CACNA1C: variants seen among roughly 807,000 people sequenced by gnomAD.
CACNA1C encodes voltage-dependent L-type calcium channel subunit alpha-1C.
A neutral mutation model predicts 229.0 loss-of-function variants in CACNA1C; 30 were observed. The ratio of observed to expected loss-of-function variants is 0.13; its 90% CI spans 0.10 to 0.18. The LOEUF (loss-of-function observed/expected upper bound fraction) is 0.18. Ranked by LOEUF, CACNA1C falls within the 10% of genes least tolerant of loss-of-function variation. The pLI is 1.00. For missense variants in CACNA1C, 1,658 were observed against 2,845.0 expected (o/e 0.58, Z 9.49); for synonymous variants, 1,114 against 1,132.5 (o/e 0.98, Z 0.33).
At chr12:2,114,001 C>T (rs1489332272) in intron 1 of CACNA1C, among the ~76,000 whole-genome samples, 1 of 152,236 alleles carries the variant, frequency 6.6e-6, no homozygotes, top group Admixed American at 6.5e-5. Flanking sequence ...CAACCCCTGC[C>T]ACTCACAGCT....
chr12:2,330,025 T>G (rs1246185582), intron 3 of CACNA1C, among the ~76,000 whole-genome samples: 1 of 152,216 alleles, frequency 6.6e-6, no homozygotes, highest in African/African-American at 2.4e-5. Context: ...ACCCACTCAG[T>G]GTGGTGAAGA....
Position 2,057,754 on chromosome 12 carries a change from C to G in CACNA1C, c.49+4143C>G, listed in dbSNP as rs891168454. Among the ~76,000 whole-genome samples the G allele has an allele frequency of 3.3e-5, 5 of 152,180 alleles. No individual in the cohort carries two copies. In the South Asian group the frequency reaches 1.0e-3, roughly 31 times the overall value. Reference sequence around the variant, plus strand: ...GAAGCCTTTTGGGTGAATCGCTGAACTTGGTATGGCCAGATGTTAATTTTC... The same window carrying G: ...GAAGCCTTTTGGGTGAATCGCTGAAGTTGGTATGGCCAGATGTTAATTTTC... On this transcript the variant is annotated intron_variant, in intron 1 of 46. Transcript: ENST00000399655.
chr12:2,050,962 G>C (rs1436345137), upstream of CACNA1C, among the ~76,000 whole-genome samples: 2 of 152,268 alleles, frequency 1.3e-5, no homozygotes, highest in African/African-American at 2.4e-5. Context: ...CTAGGCACTG[G>C]TGAACAAAAT....
At chr12:2,545,253 T>G (rs2099879060) in intron 9 of CACNA1C, among the ~76,000 whole-genome samples, 1 of 139,572 alleles carries the variant, frequency 7.2e-6, no homozygotes, top group Non-Finnish European at 1.5e-5. Flanking sequence ...GGCACCCACT[T>G]ATCAAGCTTT....
intron 11 of CACNA1C, among the ~76,000 whole-genome samples, chr12:2,557,898 C>T (rs751812854): frequency 2.0e-5 from 3 of 152,208 alleles, no homozygotes; most frequent in African/African-American, 4.8e-5. Context: ...AACGTCCATA[C>T]ATGTGTGTTG....
chr12:2,652,496 C>T (rs910745881), intron 32 of CACNA1C, among the ~76,000 whole-genome samples: 3 of 152,220 alleles, frequency 2.0e-5, no homozygotes, highest in South Asian at 2.1e-4. Flanking sequence ...CCTGGGCTGG[C>T]GGAACGCAGG....
At chr12:2,561,599 A>C (rs1457664715) in intron 11 of CACNA1C, among the ~76,000 whole-genome samples, 2 of 152,248 alleles carry the variant, frequency 1.3e-5, no homozygotes, top group African/African-American at 4.8e-5. Flanking sequence ...GGGGCAGGAC[A>C]GACAGGATGA....
chr12:2,597,836 G>A lies in CACNA1C; in HGVS notation c.2853+547G>A, dbSNP rs2069209833. On this transcript the variant is annotated intron_variant, in intron 21 of 46. Coordinates refer to ENST00000399655, the MANE Select transcript of CACNA1C (RefSeq NM_000719.7). The surrounding 1 kb of genome is among the most constrained non-coding windows in gnomAD (Gnocchi z 4.3). Reference sequence around the variant, plus strand: ...CAGACATACATGCCCACATGCACCAGCTCCGGTTAACTGATACCTGAGCCC... The same window carrying A: ...CAGACATACATGCCCACATGCACCAACTCCGGTTAACTGATACCTGAGCCC... Among the ~76,000 whole-genome samples, 1 of 152,178 alleles carries A rather than the reference G, an allele frequency of 6.6e-6. No individual in the cohort carries two copies.
intron 32 of CACNA1C, among the ~76,000 whole-genome samples, chr12:2,652,352 A>C (rs2095079804): frequency 6.6e-6 from 1 of 152,200 alleles, no homozygotes. Context: ...TTTTCCCATT[A>C]AAACAGAGTG....
rs1049561298 is a variant in CACNA1C, at chr12:2,181,091, G to C, written c.477+60661G>C. On this transcript the variant is annotated intron_variant, in intron 3 of 46. Transcript: ENST00000399655. The surrounding 1 kb of genome is among the most constrained non-coding windows in gnomAD (Gnocchi z 4.0). Reference sequence around the variant, plus strand: ...ATATCAGACTCAAATGTTTTCTTCTGGGGGGTTACAGTCTGGGGAAGACCC... The same window carrying C: ...ATATCAGACTCAAATGTTTTCTTCTCGGGGGTTACAGTCTGGGGAAGACCC... 6.6e-6 allele frequency among the ~76,000 whole-genome samples: 1 copy of C among 152,120 alleles called. No individual in the cohort carries two copies. Among genetic ancestry groups the C allele is most frequent in the South Asian group, 2.1e-4 (1 of 4,818 alleles).
At chr12:2,183,956 G>T (rs545657286) in intron 3 of CACNA1C, among the ~76,000 whole-genome samples, 2 of 152,366 alleles carry the variant, frequency 1.3e-5, no homozygotes, top group South Asian at 4.1e-4. Flanking sequence ...CCACGTGGAA[G>T]AGGGAGACAG....
At chr12:2,145,802 G>A (rs1442275269) in intron 3 of CACNA1C, among the ~76,000 whole-genome samples, 4 of 151,236 alleles carry the variant, frequency 2.6e-5, no homozygotes, top group African/African-American at 9.7e-5. Context: ...TTGCCTGATA[G>A]TCATTTCATG....
At chr12:2,027,764 G>C (rs926545127) in intron 1 of CACNA1C, among the ~76,000 whole-genome samples, 1 of 152,164 alleles carries the variant, frequency 6.6e-6, no homozygotes, top group Non-Finnish European at 1.5e-5. Context: ...TTAATGATGG[G>C]GACCAGAGGA....
chr12:2,515,646 G>A (rs2099795083), intron 9 of CACNA1C, among the ~76,000 whole-genome samples: 2 of 152,194 alleles, frequency 1.3e-5, no homozygotes, highest in African/African-American at 2.4e-5. Context: ...GATGCCCGTG[G>A]TGTGAGGCTG....
chr12:2,317,568 G>A lies in CACNA1C; in HGVS notation c.478-131408G>A, dbSNP rs570891363. The stretch of plus-strand genomic sequence containing the variant: ...AAGATGAAAAGCCTTCTGGAGATCA[G>A]TTGCAGAGCAATTTGAGTGTATATA... On this transcript the variant is annotated intron_variant, in intron 3 of 46. Transcript: ENST00000399655. 7.9e-5 allele frequency among the ~76,000 whole-genome samples: 12 copies of A among 152,312 alleles called. No individual in the cohort carries two copies. In the South Asian group the frequency reaches 2.5e-3, roughly 32 times the overall value.
At chr12:2,165,066 C>CTAAT (rs2096139895) in intron 3 of CACNA1C, among the ~76,000 whole-genome samples, 1 of 152,168 alleles carries the variant, frequency 6.6e-6, no homozygotes, top group African/African-American at 2.4e-5. Context: ...ACTAGCAGTA[C>CTAAT]TAATTGTGCA....
rs1452957554 is a variant in CACNA1C, at chr12:2,666,167, C to T, written c.4526+459C>T. 3.3e-5 allele frequency among the ~76,000 whole-genome samples: 5 copies of T among 150,754 alleles called. No homozygotes were observed. Among genetic ancestry groups the T allele is most frequent in the Admixed American group, 6.7e-5 (1 of 15,024 alleles). On this transcript the variant is annotated intron_variant, in intron 36 of 46. Coordinates refer to ENST00000399655, the MANE Select transcript of CACNA1C (RefSeq NM_000719.7). This position sits in a 1 kb window ranked among gnomAD's most constrained non-coding sequence, Gnocchi z 5.3. ...TCACACCACTGCACTCCAGCCTGGGCGACAGAGCAAGACTCCATCTAAAAA... is the reference window on the plus strand; with the variant it reads ...TCACACCACTGCACTCCAGCCTGGGTGACAGAGCAAGACTCCATCTAAAAA...
At chr12:2,311,273 A>T (rs556111635) in intron 3 of CACNA1C, among the ~76,000 whole-genome samples, 12 of 152,306 alleles carry the variant, frequency 7.9e-5, no homozygotes, top group African/African-American at 2.2e-4. Flanking sequence ...ATTGCCCCCA[A>T]ACTGTGGTTC....
At chr12:2,200,131 A>C (rs2097540790) in intron 3 of CACNA1C, among the ~76,000 whole-genome samples, 1 of 152,234 alleles carries the variant, frequency 6.6e-6, no homozygotes, top group South Asian at 2.1e-4. Flanking sequence ...AGGATGAATG[A>C]ATGGATGGAC....
Sources: gnomAD v4.1 joint callset for allele counts (sites outside exome capture counted in the v4.1 genomes callset) on GRCh38, gnomAD v4.1.1 for gene constraint, Gnocchi (gnomAD v3.1) non-coding constraint, MANE v1.5 for transcripts, NCBI Gene and HGNC (gene_info 2026-07-23, HGNC 2026-07-21) for gene names.